Variants in BTBD9 observed in about 807,000 individuals in gnomAD.
BTBD9 encodes the protein BTB/POZ domain-containing protein 9.
Under a neutral mutation model 64.3 loss-of-function variants are expected in BTBD9, and 49 were observed. The ratio of observed to expected loss-of-function variants is 0.76; its 90% CI spans 0.61 to 0.97. The LOEUF is 0.97. Ranked by LOEUF, BTBD9 falls within the 50% of genes least tolerant of loss-of-function variation. BTBD9 has a pLI of 0.00. For missense variants in BTBD9, 598 were observed against 762.1 expected, an observed-to-expected ratio of 0.78 and a Z score of 2.53; for synonymous variants, 260 against 274.7, an observed-to-expected ratio of 0.95 and a Z score of 0.53.
chr6:38,421,551 T>A (rs1485808435), intron 6 of BTBD9, among the ~76,000 whole-genome samples: 2 of 152,236 alleles, frequency 1.3e-5, no homozygotes, highest in Non-Finnish European at 2.9e-5. Flanking sequence ...TGACAGCCCA[T>A]CTCAAAGACA....
Position 38,553,666 on chromosome 6 carries a change from G to A in BTBD9, c.1154+23934C>T, listed in dbSNP as rs1055404004. 5.3e-5 allele frequency among the ~76,000 whole-genome samples: 8 copies of A among 152,082 alleles called. No individual in the cohort carries two copies. In the South Asian group the frequency reaches 8.3e-4, roughly 16 times the overall value. ...AAAAGAGATAATGGCAAGACTTCTC[G>A]TTAATAATCTAGCTAAATGATAGAA... is the stretch of plus-strand genomic sequence containing the variant. On this transcript the variant is annotated intron_variant, in intron 6 of 10. Coordinates refer to ENST00000481247, the MANE Select transcript of BTBD9 (RefSeq NM_001099272.2).
intron 6 of BTBD9, among the ~76,000 whole-genome samples, chr6:38,359,659 GC>G (rs1190423566): frequency 2.0e-5 from 3 of 152,268 alleles, no homozygotes; most frequent in East Asian, 3.9e-4. Flanking sequence ...CTTCCCTCTG[GC>G]CCGTCATTAG....
At chr6:38,371,212 G>A (rs569724572) in intron 6 of BTBD9, among the ~76,000 whole-genome samples, 1 of 152,276 alleles carries the variant, frequency 6.6e-6, no homozygotes, top group Admixed American at 6.5e-5. Flanking sequence ...ACTGAAAGAC[G>A]ATCCAGTCTG....
chr6:38,528,039 C>A (rs181048210), intron 6 of BTBD9, among the ~76,000 whole-genome samples: 1 of 152,250 alleles, frequency 6.6e-6, no homozygotes, highest in East Asian at 1.9e-4. Context: ...TCTTGAATCA[C>A]CTACAACATC....
At chr6:38,570,886 A>G (rs1042192036) in intron 6 of BTBD9, among the ~76,000 whole-genome samples, 3 of 152,252 alleles carry the variant, frequency 2.0e-5, no homozygotes, top group Non-Finnish European at 2.9e-5. Flanking sequence ...AGAACAATTT[A>G]TATTTAAATA....
chr6:38,192,655 G>A, intron 9 of BTBD9, 58 bp from the exon 10 acceptor site: 1 of 1,482,806 alleles, frequency 6.7e-7, no homozygotes, highest in Non-Finnish European at 9.4e-7. Context: ...CTCTGGTAGT[G>A]TGGCCGATGG....
intron 6 of BTBD9, among the ~76,000 whole-genome samples, chr6:38,362,701 C>T (rs550275510): frequency 1.3e-5 from 2 of 152,236 alleles, no homozygotes; most frequent in East Asian, 1.9e-4. Flanking sequence ...GATAACATTA[C>T]GATGTACAGT....
intron 6 of BTBD9, among the ~76,000 whole-genome samples, chr6:38,424,165 T>A (rs1768036114): frequency 6.6e-6 from 1 of 152,030 alleles, no homozygotes; most frequent in Non-Finnish European, 1.5e-5. Context: ...TCAAGTGGAT[T>A]ATATTTCCAA....
At chr6:38,343,864 C>T (rs540694555) in intron 7 of BTBD9, among the ~76,000 whole-genome samples, 15 of 152,278 alleles carry the variant, frequency 9.9e-5, no homozygotes, top group East Asian at 1.9e-4. Flanking sequence ...GTTTTAGACA[C>T]AGCAGGTGTT....
At chr6:38,396,772 C>G (rs1365741248) in intron 6 of BTBD9, among the ~76,000 whole-genome samples, 1 of 151,702 alleles carries the variant, frequency 6.6e-6, no homozygotes, top group Non-Finnish European at 1.5e-5. Flanking sequence ...ATTTTGAAGA[C>G]TAGTATTTAA....
chr6:38,189,004 C>A (rs533840109), intron 10 of BTBD9, among the ~76,000 whole-genome samples: 1 of 152,274 alleles, frequency 6.6e-6, no homozygotes, highest in East Asian at 1.9e-4. Flanking sequence ...AACAGAATAG[C>A]CAGCTGAGAC....
chr6:38,450,653 G>A (rs1316514673), intron 6 of BTBD9, among the ~76,000 whole-genome samples: 1 of 152,218 alleles, frequency 6.6e-6, no homozygotes, highest in Non-Finnish European at 1.5e-5. Flanking sequence ...CTAACTGAAT[G>A]TCCAGGATCA....
At chr6:38,566,103 A>G (rs897487909) in intron 6 of BTBD9, 6 of 152,236 alleles carry the variant, frequency 3.9e-5, no homozygotes, top group Non-Finnish European at 8.8e-5. Flanking sequence ...TTTTATTGAT[A>G]TAGAATAACA....
At chr6:38,249,354 A>G (rs1289745921) in intron 9 of BTBD9, among the ~76,000 whole-genome samples, 1 of 152,216 alleles carries the variant, frequency 6.6e-6, no homozygotes, top group East Asian at 1.9e-4. Context: ...TCCTGGCTTC[A>G]GCAATCCTCC....
rs1000283481 is a variant in BTBD9 at position 38,490,848 on chromosome 6, T to C, written c.1154+86752A>G. On this transcript the variant is annotated intron_variant, in intron 6 of 10. Transcript: ENST00000481247. Reference sequence around the variant, plus strand: ...AAGTAAATCAGCATGATCTGGAAAGTCAAAGGCAGCAGAGAACCAAAACTG... The same window carrying C: ...AAGTAAATCAGCATGATCTGGAAAGCCAAAGGCAGCAGAGAACCAAAACTG... Among the ~76,000 whole-genome samples the C allele has an allele frequency of 3.3e-5, 5 of 152,294 alleles. No homozygotes were observed. In the East Asian group the frequency reaches 9.7e-4, roughly 29 times the overall value.
At chr6:38,260,712 CTG>C (rs1377716904) in intron 8 of BTBD9, among the ~76,000 whole-genome samples, 1 of 152,098 alleles carries the variant, frequency 6.6e-6, no homozygotes, top group Admixed American at 6.6e-5. Flanking sequence ...TGAAGGTAAT[CTG>C]AAATTCCAGT....
At chr6:38,216,237 T>C (rs542929626) in intron 9 of BTBD9, among the ~76,000 whole-genome samples, 17 of 152,352 alleles carry the variant, frequency 1.1e-4, no homozygotes, top group Non-Finnish European at 2.1e-4. Context: ...CCTTGGGGTA[T>C]CCATCTTTGT....
At chr6:38,577,308 C>T (rs142331213) in intron 6 of BTBD9, among the ~76,000 whole-genome samples, 11 of 152,278 alleles carry the variant, frequency 7.2e-5, no homozygotes, top group Non-Finnish European at 1.5e-4. Flanking sequence ...CTGTATAGCA[C>T]GGAGTTTAAA....
chr6:38,461,541 T>A (rs56213145), intron 6 of BTBD9, among the ~76,000 whole-genome samples: 2 of 152,352 alleles, frequency 1.3e-5, no homozygotes, highest in African/African-American at 4.8e-5. Context: ...CACAATAAAT[T>A]AAAACACAAT....
Sources: gnomAD v4.1 joint callset for allele counts (sites outside exome capture counted in the v4.1 genomes callset) on GRCh38, gnomAD v4.1.1 for gene constraint, MANE v1.5 for transcripts, NCBI Gene and HGNC (gene_info 2026-07-23, HGNC 2026-07-21) for gene names.